Variants in MYO16 observed in about 807,000 individuals in gnomAD.
The protein encoded by MYO16 is myosin XVI, also known as unconventional myosin-XVI.
MYO16 carries 94 observed loss-of-function variants against 205.3 expected under a neutral mutation model. The ratio of observed to expected loss-of-function variants is 0.46; its 90% CI spans 0.39 to 0.54. MYO16 has a LOEUF of 0.54. Among genes scored for constraint, MYO16 ranks in the 20% least tolerant of loss-of-function variants. The pLI, the probability that MYO16 is intolerant of heterozygous loss-of-function variation, is 0.00. For missense variants in MYO16, 2,315 were observed against 2,387.5 expected, an observed-to-expected ratio of 0.97 and a Z score of 0.63; for synonymous variants, 988 against 954.0, an observed-to-expected ratio of 1.04 and a Z score of -0.66.
intron 23 of MYO16, among the ~76,000 whole-genome samples, chr13:109,042,324 T>C (rs909646264): frequency 2.0e-5 from 3 of 152,230 alleles, no homozygotes; most frequent in African/African-American, 7.2e-5. Flanking sequence ...TGTATTTAAA[T>C]TACTTGGCTG....
intron 10 of MYO16, among the ~76,000 whole-genome samples, chr13:108,852,549 T>G (rs1363574219): frequency 6.6e-6 from 1 of 152,184 alleles, no homozygotes; most frequent in Non-Finnish European, 1.5e-5. Flanking sequence ...CAGAAGAACC[T>G]TCCTCAGAAA....
chr13:108,628,177 G>T (rs1879820198), upstream of MYO16, among the ~76,000 whole-genome samples: 1 of 152,086 alleles, frequency 6.6e-6, no homozygotes, highest in Admixed American at 6.5e-5. Flanking sequence ...CTCTGTTTTA[G>T]ACATATTTTA....
At chr13:109,202,498 A>G (rs1242668897) in intron 34 of MYO16, among the ~76,000 whole-genome samples, 2 of 152,184 alleles carry the variant, frequency 1.3e-5, no homozygotes, top group Admixed American at 6.6e-5. Context: ...GCATTTGTGT[A>G]TCTTCTTTCG....
chr13:108,993,540 T>TA (rs1302793945), intron 21 of MYO16, among the ~76,000 whole-genome samples: 2 of 152,148 alleles, frequency 1.3e-5, no homozygotes, highest in South Asian at 4.1e-4. Flanking sequence ...TACGCTGACT[T>TA]ACCTAATCCA....
chr13:108,510,362 C>A, the MYO16 span, among the ~76,000 whole-genome samples: 2 of 151,150 alleles, frequency 1.3e-5, no homozygotes, highest in African/African-American at 4.9e-5. Context: ...TGTGATCCAT[C>A]CTCCTTGGCG....
intron 22 of MYO16, among the ~76,000 whole-genome samples, chr13:109,013,493 G>A (rs576572628): frequency 1.8e-4 from 27 of 152,234 alleles, no homozygotes; most frequent in Middle Eastern, 3.4e-3. Context: ...TAATGGGATC[G>A]CTGGTTCAAA....
At chr13:109,177,409 A>C (rs1879251916) in intron 33 of MYO16, among the ~76,000 whole-genome samples, 1 of 152,212 alleles carries the variant, frequency 6.6e-6, no homozygotes, top group Non-Finnish European at 1.5e-5. Flanking sequence ...GACTCTATGC[A>C]GTGCTCAGCA....
chr13:108,775,298 G>C (rs1220201942), intron 4 of MYO16, among the ~76,000 whole-genome samples: 1 of 152,014 alleles, frequency 6.6e-6, no homozygotes, highest in African/African-American at 2.4e-5. Context: ...TTCTTCAGAG[G>C]AATGAAATTT....
chr13:108,739,874 A>C (rs1263766860), intron 4 of MYO16, among the ~76,000 whole-genome samples: 1 of 151,948 alleles, frequency 6.6e-6, no homozygotes, highest in Non-Finnish European at 1.5e-5. Flanking sequence ...TTCTCACTTC[A>C]TTTCATTCAT....
chr13:108,530,334 A>T, the MYO16 span, among the ~76,000 whole-genome samples: 1 of 152,370 alleles, frequency 6.6e-6, no homozygotes, highest in African/African-American at 2.4e-5. Context: ...GACTAAAAGG[A>T]TAAACAGGAC....
intron 20 of MYO16, among the ~76,000 whole-genome samples, chr13:108,970,503 TC>T (rs1284252401): frequency 6.6e-6 from 1 of 152,054 alleles, no homozygotes; most frequent in Non-Finnish European, 1.5e-5. Flanking sequence ...AGGTGAGAGT[TC>T]CCCTCCCTCT....
intron 14 of MYO16, among the ~76,000 whole-genome samples, chr13:108,891,996 G>A (rs1880197877): frequency 6.6e-6 from 1 of 151,994 alleles, no homozygotes; most frequent in African/African-American, 2.4e-5. Flanking sequence ...GAGAATAACT[G>A]ATTTTTAATT....
At chr13:109,137,530 A>G (rs1431273460) in intron 31 of MYO16, among the ~76,000 whole-genome samples, 1 of 152,230 alleles carries the variant, frequency 6.6e-6, no homozygotes, top group African/African-American at 2.4e-5. Flanking sequence ...GCCCATTGAA[A>G]GTAACTGGAA....
At chr13:108,502,387 T>A in the MYO16 span, among the ~76,000 whole-genome samples, 1 of 152,230 alleles carries the variant, frequency 6.6e-6, no homozygotes, top group Non-Finnish European at 1.5e-5. Flanking sequence ...TTTTAAGTAA[T>A]GTAAGTAAAG....
At chr13:108,548,986 C>A in the MYO16 span, among the ~76,000 whole-genome samples, 1 of 151,850 alleles carries the variant, frequency 6.6e-6, no homozygotes, top group Non-Finnish European at 1.5e-5. Context: ...ATATACAGAT[C>A]GATAAAGAGA....
the MYO16 span, among the ~76,000 whole-genome samples, chr13:108,551,656 A>G: frequency 6.6e-6 from 1 of 152,120 alleles, no homozygotes; most frequent in Middle Eastern, 3.2e-3. Flanking sequence ...AAATCTTACA[A>G]GGATTCTGCG....
chr13:108,850,764 C>T (rs78077861), intron 10 of MYO16, among the ~76,000 whole-genome samples: 2,597 of 152,268 alleles, frequency 0.017, 79 homozygotes, highest in East Asian at 0.1. Flanking sequence ...GGAATCTTGA[C>T]GTGAGAAATG....
intron 16 of MYO16, among the ~76,000 whole-genome samples, chr13:108,948,816 C>G (rs1883035068): frequency 6.6e-6 from 1 of 152,316 alleles, no homozygotes; most frequent in East Asian, 1.9e-4. Flanking sequence ...TCAGGTGACA[C>G]AAGAAACTTA....
chr13:109,191,083 G>T (rs892641732), intron 34 of MYO16, among the ~76,000 whole-genome samples: 2 of 152,020 alleles, frequency 1.3e-5, no homozygotes, highest in Non-Finnish European at 2.9e-5. Context: ...GCCGGGCATC[G>T]TGGCAGGCGC....
Sources: gnomAD v4.1 joint callset for allele counts (sites outside exome capture counted in the v4.1 genomes callset) on GRCh38, gnomAD v4.1.1 for gene constraint, MANE v1.5 for transcripts, NCBI Gene and HGNC (gene_info 2026-07-23, HGNC 2026-07-21) for gene names.